The following COMMD3 variants were observed in gnomAD, a reference collection of about 807,000 sequenced individuals.
COMMD3 encodes the protein COMM domain-containing protein 3.
A neutral mutation model predicts 31.2 loss-of-function variants in COMMD3; 31 were observed. That is an observed-to-expected ratio of 0.99 (90% CI 0.75 to 1.34). COMMD3 has a LOEUF of 1.34. COMMD3 is among the 40% of genes most tolerant of loss of function. The pLI, the probability that COMMD3 is intolerant of heterozygous loss-of-function variation, is 0.00. For synonymous variants in COMMD3, 108 were observed against 87.3 expected (o/e 1.24, Z -1.32); for missense variants, 274 against 236.9 (o/e 1.16, Z -1.03).
chr10:22,317,021 G>C (rs1046857192), intron 1 of COMMD3: 1 of 152,844 alleles, frequency 6.5e-6, no homozygotes, highest in Non-Finnish European at 1.5e-5. Context: ...TGCCAACTTA[G>C]AGCATACCTC....
chr10:22,319,078 T>C (rs1488331327), intron 7 of COMMD3, 60 bp downstream of exon 7: 5 of 1,524,592 alleles, frequency 3.3e-6, no homozygotes, highest in Non-Finnish European at 4.4e-6. Context: ...TTGAGAGTTA[T>C]ACTCTTGGGA....
chr10:22,320,120 T>G lies in COMMD3; in HGVS notation c.*122T>G. ...AGTAGAAAAGAATTTTCCTTTTGAA[T>G]TTATACCATTCATCAATTTTGACAC... On this transcript the variant is annotated 3_prime_UTR_variant, in exon 8 of 8. Transcript: ENST00000376836. 1.3e-6 allele frequency: 2 copies of G among 1,576,476 alleles called. No homozygotes were observed. The highest frequency in any genetic ancestry group is 1.7e-6 in the Non-Finnish European group (2 of 1,160,184).
intron 1 of COMMD3, 48 bp from the exon 2 acceptor site, chr10:22,317,836 G>C: frequency 6.3e-7 from 1 of 1,594,340 alleles, no homozygotes; most frequent in Non-Finnish European, 8.6e-7. Context: ...GAACATGACT[G>C]TAAAGAATTT....
At position 22,318,724 on chromosome 10, in the gene COMMD3, A is replaced by C; in HGVS notation, c.411+11A>C. 3.7e-6 allele frequency: 6 copies of C among 1,613,394 alleles called. No homozygotes were observed. Among genetic ancestry groups the C allele is most frequent in the Non-Finnish European group, 5.1e-6 (6 of 1,179,424 alleles). Reference sequence around the variant, plus strand: ...GAATATCAGATAAAGGTAAAGTTTAAGAAACTTCTCTAGCGGGGGATTTAG... The same window carrying C: ...GAATATCAGATAAAGGTAAAGTTTACGAAACTTCTCTAGCGGGGGATTTAG... On this transcript the variant is annotated intron_variant, in intron 5 of 7. Transcript: ENST00000376836.
rs202116321 is a variant in COMMD3, at chr10:22,317,963, A to C, written c.219A>C (p.Ala73=). The change falls in exon 2 of 8, where the codon GCA becomes GCC. Residue 73 remains alanine, a synonymous_variant. Coordinates refer to ENST00000376836, the MANE Select transcript of COMMD3 (RefSeq NM_012071.4). ...HAAAATYILE[A]GKHRADKSTL... is the part of the protein sequence containing the mutation. ...CAGCTGCAACTTACATACTAGAGGC[A>C]GGAAAGCACCGAGCTGACAAGTCAA... 6.2e-7 allele frequency: 1 copy of C among 1,614,050 alleles called. No homozygotes were observed. The highest frequency in any genetic ancestry group is 1.3e-5 in the African/African-American group (1 of 75,064).
Position 22,318,811 on chromosome 10 carries a change from T to A in COMMD3, c.417T>A (p.Asn139Lys). Residue 139 changes from asparagine (N) to lysine (K), a missense_variant, in exon 6 of 8, where the codon AAT becomes AAA. By Grantham distance (94) the Asn-to-Lys change is moderately conservative (BLOSUM62 0). Transcript: ENST00000376836. ...SWRLEYQIKT[N>K]QLHRMYRPAY... ...TGTTTGTTGTGTTATTTTAGACCAA[T>A]CAACTTCATAGGATGTACAGACCTG... 6.2e-7 allele frequency: 1 copy of A among 1,614,010 alleles called. No individual in the cohort carries two copies. Among genetic ancestry groups the A allele is most frequent in the South Asian group, 1.1e-5 (1 of 91,082 alleles).
rs892379852 is a variant in COMMD3 at position 22,320,233 on chromosome 10, G to C, written c.*235G>C. The C allele has an allele frequency of 3.4e-6, 4 of 1,176,620 alleles. No individual in the cohort carries two copies. Among genetic ancestry groups the C allele is most frequent in the Non-Finnish European group, 3.4e-6 (3 of 873,556 alleles). 72.9% of individuals were successfully genotyped at this position (1,176,620 alleles called of 1,614,324 possible). A position where few individuals can be genotyped will look rare whatever the true frequency, so the allele number is the denominator to read the frequency against. Reference sequence around the variant, plus strand: ...AGTAACTGTCCATTTATCCTATTTTGATCTTTTTCAAGTCTTCTGAAAGGA... The same window carrying C: ...AGTAACTGTCCATTTATCCTATTTTCATCTTTTTCAAGTCTTCTGAAAGGA... On this transcript the variant is annotated 3_prime_UTR_variant, in exon 8 of 8. Transcript: ENST00000376836.
intron 4 of COMMD3, 94 bp from the exon 5 acceptor site, chr10:22,318,559 T>TG: frequency 8.2e-7 from 1 of 1,213,438 alleles, no homozygotes; most frequent in Non-Finnish European, 1.2e-6. Context: ...AAAATGGAGT[T>TG]GGGGGTGGAA....
At chr10:22,317,652 A>G (rs910317648) in intron 1 of COMMD3, 2 of 346,150 alleles carry the variant, frequency 5.8e-6, no homozygotes, top group Non-Finnish European at 1.1e-5. Flanking sequence ...TAAAAATATT[A>G]AGGCAAAATA....
At position 22,318,067 on chromosome 10, in the gene COMMD3, T is replaced by C. The variant is rs769629897; in HGVS notation, c.252-38T>C. The stretch of plus-strand genomic sequence containing the variant: ...ATGATTTCAATTTCAGTTTTAAAAA[T>C]GGAGACAGAACTTTGGCTTTTTTTT... On this transcript the variant is annotated intron_variant, in intron 2 of 7. Transcript: ENST00000376836. The C allele has an allele frequency of 3.7e-6, 6 of 1,605,794 alleles. No homozygotes were observed. In the African/African-American group the frequency reaches 8.1e-5, roughly 22 times the overall value.
intron 7 of COMMD3, 162 bp from the exon 8 acceptor site, chr10:22,319,777 C>T: frequency 9.9e-6 from 8 of 805,058 alleles, no homozygotes; most frequent in Non-Finnish European, 1.3e-5. Context: ...CGAGGAAACG[C>T]TTTTTTTGCC....
Position 22,318,660 on chromosome 10 carries a change from A to G in COMMD3, c.358A>G (p.Arg120Gly), listed in dbSNP as rs752391286. 6.2e-7 allele frequency: 1 copy of G among 1,612,586 alleles called. No individual in the cohort carries two copies. The highest frequency in any genetic ancestry group is 1.1e-5 in the South Asian group (1 of 91,068). ...SLEILLGSIG[R>G]SLPHITDVSW... ...TATCATTGCATCTTTCAGTATAGGC[A>G]GATCTCTCCCTCATATAACGGATGT... is the stretch of plus-strand genomic sequence containing the variant. The change falls in exon 5 of 8, where the codon AGA becomes GGA. Residue 120 changes from arginine (R) to glycine (G), a missense_variant. Arg to Gly is a moderately radical substitution (Grantham distance 125). Transcript: ENST00000376836.
At chr10:22,316,668 G>A in intron 1 of COMMD3, 112 bp downstream of exon 1, 3 of 1,362,698 alleles carry the variant, frequency 2.2e-6, no homozygotes, top group Non-Finnish European at 2.9e-6. Context: ...AAGTCTCCGG[G>A]CTTTGCCCTT....
Position 22,318,119 on chromosome 10 carries a change from A to T in COMMD3, c.266A>T (p.Asp89Val). 6.2e-7 allele frequency: 1 copy of T among 1,612,766 alleles called. No individual in the cohort carries two copies. Among genetic ancestry groups the T allele is most frequent in the East Asian group, 2.2e-5 (1 of 44,816 alleles). Reference sequence around the variant, plus strand: ...CTTTCTTCTAGCACTTATCTAGAAGACTGTAAATTTGACAGAGAGCGAATA... The same window carrying T: ...CTTTCTTCTAGCACTTATCTAGAAGTCTGTAAATTTGACAGAGAGCGAATA... ...DKSTLSTYLE[D>V]CKFDRERIEL... Residue 89 changes from aspartate to valine, a missense_variant, in exon 3 of 8, where the codon GAC becomes GTC. Coordinates refer to ENST00000376836, the MANE Select transcript of COMMD3 (RefSeq NM_012071.4).
Position 22,318,842 on chromosome 10 carries a change from T to C in COMMD3, c.448T>C (p.Leu150=). 2 of 1,613,962 alleles carry C rather than the reference T, an allele frequency of 1.2e-6. No homozygotes were observed. Among genetic ancestry groups the C allele is most frequent in the Non-Finnish European group, 1.7e-6 (2 of 1,179,900 alleles). Residue 150 remains leucine, a synonymous_variant, in exon 6 of 8, where the codon TTG becomes CTG. Coordinates refer to ENST00000376836, the MANE Select transcript of COMMD3 (RefSeq NM_012071.4). ...QLHRMYRPAY[L]VTLSVQNTDS... ...TCATAGGATGTACAGACCTGCATATTTGGTGACCTTAAGTGTACAGGTATT... is the reference window on the plus strand; with the variant it reads ...TCATAGGATGTACAGACCTGCATATCTGGTGACCTTAAGTGTACAGGTATT...
In COMMD3 at chr10:22,318,557, G is replaced by C. The variant is rs1043134513; in HGVS notation, c.351-96G>C. The C allele has an allele frequency of 2.7e-5, 32 of 1,204,708 alleles. No individual in the cohort carries two copies. In the Admixed American group the frequency reaches 4.6e-4, roughly 17 times the overall value. The allele number at this position is 1,204,708 out of a possible 1,614,324, so 74.6% of individuals were successfully genotyped here. On this transcript the variant is annotated intron_variant, in intron 4 of 7. Coordinates refer to ENST00000376836, the MANE Select transcript of COMMD3 (RefSeq NM_012071.4). Reference sequence around the variant, plus strand: ...TAAATTCAGAATGGATTAAAATGGAGTTGGGGGTGGAAAGTAGAGCCATTC... The same window carrying C: ...TAAATTCAGAATGGATTAAAATGGACTTGGGGGTGGAAAGTAGAGCCATTC...
At position 22,316,572 on chromosome 10, in the gene COMMD3, C is replaced by G. The variant is rs1835853967; in HGVS notation, c.139+16C>G. 4 of 1,533,924 alleles carry G rather than the reference C, an allele frequency of 2.6e-6. No individual in the cohort carries two copies. The highest frequency in any genetic ancestry group is 2.0e-5 in the Admixed American group (1 of 49,832). On this transcript the variant is annotated intron_variant, in intron 1 of 7. Transcript: ENST00000376836. ...GCCGTGTTAGGTAAGCCGCTCGGCT[C>G]GGCTCGGAGCTGGATCCGCCGGGGT... is the stretch of plus-strand genomic sequence containing the variant.
rs766292147 is a variant in COMMD3, at chr10:22,317,969, G to A, written c.225G>A (p.Lys75=). 6.2e-7 allele frequency: 1 copy of A among 1,613,958 alleles called. No homozygotes were observed. Among genetic ancestry groups the A allele is most frequent in the Non-Finnish European group, 8.5e-7 (1 of 1,179,934 alleles). Residue 75 remains lysine, a synonymous_variant, in exon 2 of 8, where the codon AAG becomes AAA. Transcript: ENST00000376836. ...AAATYILEAG[K]HRADKSTLST... ...CAACTTACATACTAGAGGCAGGAAA[G>A]CACCGAGCTGACAAGTCAACTCTAA... is the stretch of plus-strand genomic sequence containing the variant.
rs1410880155 is a variant in COMMD3, at chr10:22,319,988, CT to C, written c.579del (p.Gln194SerfsTer24). On this transcript the variant is annotated frameshift_variant, in exon 8 of 8. Coordinates refer to ENST00000376836, the MANE Select transcript of COMMD3 (RefSeq NM_012071.4). LOFTEE classifies it high-confidence loss of function. ...KDASKSLERA[T>X]QL ...GCTTCGAAAAGCCTGGAAAGAGCAA[CT>C]CAGTTGTAACTTGGGGAAGTTAACG... 2.5e-6 allele frequency: 4 copies of C among 1,613,998 alleles called. No individual in the cohort carries two copies. The highest frequency in any genetic ancestry group is 3.4e-6 in the Non-Finnish European group (4 of 1,180,000).
Sources: gnomAD v4.1 joint callset for allele counts on GRCh38, gnomAD v4.1.1 for gene constraint, MANE v1.5 for transcripts, NCBI Gene and HGNC (gene_info 2026-07-23, HGNC 2026-07-21) for gene names.